Variants in RHOH observed in about 807,000 individuals in gnomAD.
RHOH encodes rho-related GTP-binding protein RhoH.
Under a neutral mutation model 13.8 loss-of-function variants are expected in RHOH, and 6 were observed. The observed-to-expected ratio is 0.44, with a 90% CI of 0.24 to 0.86. RHOH has a LOEUF of 0.86. Ranked by LOEUF, RHOH falls within the 40% of genes least tolerant of loss-of-function variation. The pLI is 0.24. For missense variants in RHOH, 147 were observed against 244.5 expected (o/e 0.60, Z 2.66); for synonymous variants, 117 against 103.0 (o/e 1.14, Z -0.82).
chr4:40,241,727 A>G (rs1040853010), intron 1 of RHOH, among the ~76,000 whole-genome samples: 1 of 151,936 alleles, frequency 6.6e-6, no homozygotes, highest in Non-Finnish European at 1.5e-5. Flanking sequence ...TGTCTCTACA[A>G]AAAAAGCAAT....
chr4:40,220,618 AT>A lies in RHOH; in HGVS notation c.-330-22089del, dbSNP rs1171393329. 3.3e-5 allele frequency among the ~76,000 whole-genome samples: 5 copies of A among 152,022 alleles called. No homozygotes were observed. The East Asian group carries it at 5.8e-4, about 18-fold the overall frequency. On this transcript the variant is annotated intron_variant, in intron 1 of 2. Coordinates refer to ENST00000381799, the MANE Select transcript of RHOH (RefSeq NM_004310.5). ...CATTATTAACTAAGTAAAAAAAAAA[AT>A]TTTTTTAACCTCTGGGCCTAGTCTA... is the stretch of plus-strand genomic sequence containing the variant.
At chr4:40,214,837 T>A (rs1725687584) in intron 1 of RHOH, among the ~76,000 whole-genome samples, 1 of 152,126 alleles carries the variant, frequency 6.6e-6, no homozygotes, top group South Asian at 2.1e-4. Flanking sequence ...CTCCTTCCAC[T>A]CTGAGTCCCT....
chr4:40,217,962 A>G (rs1228213142), intron 1 of RHOH: 1 of 152,234 alleles, frequency 6.6e-6, no homozygotes, highest in Non-Finnish European at 1.5e-5. Context: ...GCAGATGGTC[A>G]GGGAGCACCT....
Position 40,244,443 on chromosome 4 carries a change from C to T in RHOH, c.*481C>T. On this transcript the variant is annotated 3_prime_UTR_variant, in exon 3 of 3. Coordinates refer to ENST00000381799, the MANE Select transcript of RHOH (RefSeq NM_004310.5). Reference sequence around the variant, plus strand: ...GTTTGTAGTGTTATTATTTTCACCTCAAGTAGAAAGTCTGTTGAAACCACT... The same window carrying T: ...GTTTGTAGTGTTATTATTTTCACCTTAAGTAGAAAGTCTGTTGAAACCACT... 1 of 219,314 alleles carries T rather than the reference C, an allele frequency of 4.6e-6. No homozygotes were observed. The highest frequency in any genetic ancestry group is 2.3e-5 in the African/African-American group (1 of 43,936). 13.6% of individuals were successfully genotyped at this position (219,314 alleles called of 1,614,324 possible). A position where few individuals can be genotyped will look rare whatever the true frequency, so the allele number is the denominator to read the frequency against.
In RHOH at chr4:40,243,092, A is replaced by G. The variant is rs1729450128; in HGVS notation, c.-209-86A>G. 9.2e-6 allele frequency: 3 copies of G among 327,166 alleles called. No individual in the cohort carries two copies. Among genetic ancestry groups the G allele is most frequent in the South Asian group, 6.3e-5 (1 of 15,838 alleles). The allele number at this position is 327,166 out of a possible 1,614,324, so 20.3% of individuals were successfully genotyped here. ...CACTGAGATTACCCCACATTTAATC[A>G]GTTTGCCAATGAGGAAGCCCCTTAT... On this transcript the variant is annotated intron_variant, in intron 2 of 2. Coordinates refer to ENST00000381799, the MANE Select transcript of RHOH (RefSeq NM_004310.5). This position sits in a 1 kb window ranked among gnomAD's most constrained non-coding sequence, Gnocchi z 6.2.
chr4:40,239,474 T>C (rs1728992076), intron 1 of RHOH, among the ~76,000 whole-genome samples: 1 of 152,254 alleles, frequency 6.6e-6, no homozygotes, highest in Non-Finnish European at 1.5e-5. Flanking sequence ...AGTTAATAAC[T>C]GTTTATCATT....
intron 1 of RHOH, among the ~76,000 whole-genome samples, chr4:40,207,898 G>A (rs1042428516): frequency 2.0e-5 from 3 of 151,994 alleles, no homozygotes; most frequent in Non-Finnish European, 4.4e-5. Context: ...CCCAGGAGGC[G>A]GAGGTTGCAG....
intron 1 of RHOH, among the ~76,000 whole-genome samples, chr4:40,210,547 A>T (rs1174288664): frequency 6.6e-6 from 1 of 152,124 alleles, no homozygotes; most frequent in Non-Finnish European, 1.5e-5. Flanking sequence ...TCATTGGTAG[A>T]ACTAGGTTAC....
At chr4:40,228,690 C>T (rs1727534858) in intron 1 of RHOH, among the ~76,000 whole-genome samples, 2 of 152,152 alleles carry the variant, frequency 1.3e-5, no homozygotes, top group Admixed American at 1.3e-4. Flanking sequence ...TTTTCACAGA[C>T]AAAGGCTACG....
At chr4:40,196,392 A>C (rs1723136321), upstream of RHOH, among the ~76,000 whole-genome samples, 1 of 152,178 alleles carries the variant, frequency 6.6e-6, no homozygotes, top group Non-Finnish European at 1.5e-5. Flanking sequence ...GCCCATTAGG[A>C]CAAAACAAGT....
At chr4:40,207,241 C>G (rs1724757098) in intron 1 of RHOH, among the ~76,000 whole-genome samples, 2 of 151,340 alleles carry the variant, frequency 1.3e-5, no homozygotes, top group Admixed American at 1.3e-4. Flanking sequence ...CAGTGTTTTT[C>G]CTCCACGATG....
chr4:40,223,974 G>A (rs968961890), intron 1 of RHOH, among the ~76,000 whole-genome samples: 1 of 152,004 alleles, frequency 6.6e-6, no homozygotes, highest in African/African-American at 2.4e-5. Flanking sequence ...GTTTCTCCAT[G>A]TTGGTCAGGC....
intron 1 of RHOH, among the ~76,000 whole-genome samples, chr4:40,219,902 AATT>A (rs1278086603): frequency 1.3e-5 from 2 of 152,148 alleles, no homozygotes; most frequent in East Asian, 3.8e-4. Context: ...ATGTGTGTGT[AATT>A]ATTATATGCA....
At chr4:40,210,570 G>A (rs1049645888) in intron 1 of RHOH, among the ~76,000 whole-genome samples, 4 of 152,078 alleles carry the variant, frequency 2.6e-5, no homozygotes, top group Admixed American at 2.6e-4. Flanking sequence ...AGCCACTCCA[G>A]CTGCCGTGAA....
chr4:40,217,135 A>T (rs1298753218), intron 1 of RHOH, among the ~76,000 whole-genome samples: 1 of 152,184 alleles, frequency 6.6e-6, no homozygotes, highest in Non-Finnish European at 1.5e-5. Flanking sequence ...TGAGAAGGGA[A>T]CTTACAGACC....
intron 1 of RHOH, among the ~76,000 whole-genome samples, chr4:40,222,871 C>T (rs1726753693): frequency 6.6e-6 from 1 of 152,178 alleles, no homozygotes; most frequent in Non-Finnish European, 1.5e-5. Context: ...CCATTCAGAA[C>T]ATTTGTGATT....
intron 1 of RHOH, among the ~76,000 whole-genome samples, chr4:40,203,326 A>G (rs758591361): frequency 9.2e-5 from 14 of 152,160 alleles, no homozygotes; most frequent in African/African-American, 1.4e-4. Context: ...GGGAAGAGTT[A>G]ACTAATTTAG....
chr4:40,230,228 G>A (rs576735985), intron 1 of RHOH, among the ~76,000 whole-genome samples: 19 of 152,052 alleles, frequency 1.2e-4, no homozygotes, highest in Non-Finnish European at 2.5e-4. Flanking sequence ...TAGTAGAAAC[G>A]GGGTTTCGCC....
intron 1 of RHOH, among the ~76,000 whole-genome samples, chr4:40,239,268 G>T (rs1728970765): frequency 6.6e-6 from 1 of 152,158 alleles, no homozygotes; most frequent in African/African-American, 2.4e-5. Context: ...GGCCACTTGG[G>T]GTCAGAACTG....
Sources: allele counts gnomAD v4.1 joint callset (sites outside exome capture counted in the v4.1 genomes callset), GRCh38; gene constraint gnomAD v4.1.1; non-coding constraint Gnocchi (gnomAD v3.1); transcripts MANE v1.5; gene names NCBI Gene and HGNC (gene_info 2026-07-23, HGNC 2026-07-21).